The following TFAP2E variants were observed in gnomAD, a reference collection of about 807,000 sequenced individuals.
TFAP2E encodes transcription factor AP-2-epsilon.
A neutral mutation model predicts 37.9 loss-of-function variants in TFAP2E; 30 were observed. The observed-to-expected ratio is 0.79, with a 90% CI of 0.59 to 1.07. TFAP2E has a LOEUF of 1.07. Among genes scored for constraint, TFAP2E ranks in the 50% least tolerant of loss-of-function variants. The pLI is 0.00. For missense variants in TFAP2E, 567 were observed against 637.9 expected (o/e 0.89, Z 1.20); for synonymous variants, 318 against 295.8 (o/e 1.08, Z -0.77).
In TFAP2E at chr1:35,574,499, C is replaced by T. The variant is rs191236859; in HGVS notation, c.510+90C>T. 29 of 1,331,490 alleles carry T rather than the reference C, an allele frequency of 2.2e-5. No individual in the cohort carries two copies. In the Admixed American group the frequency reaches 5.3e-4, roughly 24 times the overall value. The allele number at this position is 1,331,490 out of a possible 1,614,324, so 82.5% of individuals were successfully genotyped here. A position where few individuals can be genotyped will look rare whatever the true frequency, so the allele number is the denominator to read the frequency against. ...GCAGAAGGTGACAAATGCAGGAAGC[C>T]GACTTTTCTCCCAGCTCGCCACATC... is the stretch of plus-strand genomic sequence containing the variant. On this transcript the variant is annotated intron_variant, in intron 2 of 6. Coordinates refer to ENST00000373235, the MANE Select transcript of TFAP2E (RefSeq NM_178548.4).
intron 3 of TFAP2E, among the ~76,000 whole-genome samples, chr1:35,579,150 C>A (rs1369754415): frequency 2.1e-5 from 3 of 141,092 alleles, no homozygotes; most frequent in Non-Finnish European, 4.5e-5. Context: ...GATCCCAGCA[C>A]TTTGGGAGGC....
intron 4 of TFAP2E, among the ~76,000 whole-genome samples, chr1:35,589,702 TGA>T (rs767292293): frequency 6.6e-6 from 1 of 152,052 alleles, no homozygotes; most frequent in Non-Finnish European, 1.5e-5. Flanking sequence ...TAGAGTGAAC[TGA>T]GGGGCTCCTG....
In TFAP2E at chr1:35,577,335, G is replaced by A. The variant is rs1385001532; in HGVS notation, c.562+2335G>A. On this transcript the variant is annotated intron_variant, in intron 3 of 6. Transcript: ENST00000373235. This position sits in a 1 kb window ranked among gnomAD's most constrained non-coding sequence, Gnocchi z 6.3. ...AGCAGTTTTCACCTTGGCCCTCCGCGGTCACTGCGGGATTCGGCGTTGCCG... is the reference window on the plus strand; with the variant it reads ...AGCAGTTTTCACCTTGGCCCTCCGCAGTCACTGCGGGATTCGGCGTTGCCG... The A allele has an allele frequency of 2.2e-6, 1 of 456,410 alleles. No individual in the cohort carries two copies. Among genetic ancestry groups the A allele is most frequent in the East Asian group, 7.0e-5 (1 of 14,378 alleles). The allele number at this position is 456,410 out of a possible 1,614,324, so 28.3% of individuals were successfully genotyped here. A position where few individuals can be genotyped will look rare whatever the true frequency, so the allele number is the denominator to read the frequency against.
Position 35,574,429 on chromosome 1 carries a change from G to T in TFAP2E, c.510+20G>T. The T allele has an allele frequency of 7.2e-7, 1 of 1,391,868 alleles. No individual in the cohort carries two copies. The highest frequency in any genetic ancestry group is 9.3e-7 in the Non-Finnish European group (1 of 1,079,966). 86.2% of individuals were successfully genotyped at this position (1,391,868 alleles called of 1,614,324 possible). ...CTGCAGGTGAGACCCGAGGGATCCGGGATGGGTCGGGACTGGCCGCGGTGG... is the reference window on the plus strand; with the variant it reads ...CTGCAGGTGAGACCCGAGGGATCCGTGATGGGTCGGGACTGGCCGCGGTGG... On this transcript the variant is annotated intron_variant, in intron 2 of 6. Coordinates refer to ENST00000373235, the MANE Select transcript of TFAP2E (RefSeq NM_178548.4).
chr1:35,589,513 T>A lies in TFAP2E; in HGVS notation c.786-417T>A, dbSNP rs150832350. Reference sequence around the variant, plus strand: ...TTTCACGTGTGTGTGTGTGTGTGTGTGAGAGAGTCACCAGGTGGCTGTGTG... The same window carrying A: ...TTTCACGTGTGTGTGTGTGTGTGTGAGAGAGAGTCACCAGGTGGCTGTGTG... On this transcript the variant is annotated intron_variant, in intron 4 of 6. Transcript: ENST00000373235. 8.5e-3 allele frequency among the ~76,000 whole-genome samples: 1,291 copies of A among 151,818 alleles called. 13 individuals carry two copies. Among genetic ancestry groups the A allele is most frequent in the Non-Finnish European group, 0.01 (704 of 67,924 alleles).
rs1649205340 is a variant in TFAP2E at position 35,577,245 on chromosome 1, G to T, written c.562+2245G>T. On this transcript the variant is annotated intron_variant, in intron 3 of 6. Transcript: ENST00000373235. This position sits in a 1 kb window ranked among gnomAD's most constrained non-coding sequence, Gnocchi z 6.3. ...GCGGTCGACCCAGGGCAGCTGCGGC[G>T]GCGAGGCAGGTGGGCTCCTTGCTCC... 5 of 394,424 alleles carry T rather than the reference G, an allele frequency of 1.3e-5. No homozygotes were observed. The highest frequency in any genetic ancestry group is 9.0e-5 in the South Asian group (5 of 55,394). The allele number at this position is 394,424 out of a possible 1,614,324, so 24.4% of individuals were successfully genotyped here. A position where few individuals can be genotyped will look rare whatever the true frequency, so the allele number is the denominator to read the frequency against.
Position 35,590,625 on chromosome 1 carries a change from T to A in TFAP2E, c.905-9T>A, listed in dbSNP as rs1418788493. On this transcript the variant is annotated splice_polypyrimidine_tract_variant and intron_variant, in intron 5 of 6. Transcript: ENST00000373235. This position sits in a 1 kb window ranked among gnomAD's most constrained non-coding sequence, Gnocchi z 6.2. The stretch of plus-strand genomic sequence containing the variant: ...CACCCTGCAGTAGTGACAGCTCCCC[T>A]CCCCCCAGGAGAGGCCGTGCACCTG... 3 of 1,455,796 alleles carry A rather than the reference T, an allele frequency of 2.1e-6. No homozygotes were observed. Among genetic ancestry groups the A allele is most frequent in the African/African-American group, 2.8e-5 (2 of 70,764 alleles). The allele number at this position is 1,455,796 out of a possible 1,614,324, so 90.2% of individuals were successfully genotyped here. A position where few individuals can be genotyped will look rare whatever the true frequency, so the allele number is the denominator to read the frequency against.
In TFAP2E at chr1:35,590,497, C is replaced by A; in HGVS notation, c.905-137C>A. 2.8e-6 allele frequency: 3 copies of A among 1,075,332 alleles called. No homozygotes were observed. Among genetic ancestry groups the A allele is most frequent in the Non-Finnish European group, 2.5e-6 (2 of 809,974 alleles). The allele number at this position is 1,075,332 out of a possible 1,614,324, so 66.6% of individuals were successfully genotyped here. ...CAATGGAATGGGGGCTGGAGCTGGG[C>A]TGGGAAGGAACATCAGAGGGGGCAT... On this transcript the variant is annotated intron_variant, in intron 5 of 6. Transcript: ENST00000373235. The surrounding 1 kb of genome is among the most constrained non-coding windows in gnomAD (Gnocchi z 6.2).
chr1:35,574,312 GGCTCCTGCACGGCCTGGCCGACGGCGC>G lies in TFAP2E; in HGVS notation c.416_442del (p.Leu139_Ala147del), dbSNP rs766507341. 1.4e-6 allele frequency: 2 copies of G among 1,458,738 alleles called. No homozygotes were observed. Among genetic ancestry groups the G allele is most frequent in the South Asian group, 2.6e-5 (2 of 77,088 alleles). The allele number at this position is 1,458,738 out of a possible 1,614,324, so 90.4% of individuals were successfully genotyped here. The stretch of plus-strand genomic sequence containing the variant: ...CGTGACTATGCCACTGCCGTGCCCC[GGCTCCTGCACGGCCTGGCCGACGGCGC>G]GCACGGCCTGGCAGACGCACCTCTC... On this transcript the variant is annotated inframe_deletion, in exon 2 of 7. Transcript: ENST00000373235.
rs1649223753 is a variant in TFAP2E, at chr1:35,577,772, C to G, written c.562+2772C>G. ...GCTTCGCTGACTGCAGGCAAGCGTC[C>G]GGGAGGGGCGGCCAGGCGAAGCCCC... On this transcript the variant is annotated intron_variant, in intron 3 of 6. Transcript: ENST00000373235. The surrounding 1 kb of genome is among the most constrained non-coding windows in gnomAD (Gnocchi z 6.3). 8.6e-6 allele frequency: 2 copies of G among 233,372 alleles called. No individual in the cohort carries two copies. Among genetic ancestry groups the G allele is most frequent in the African/African-American group, 2.3e-5 (1 of 43,854 alleles). 14.5% of individuals were successfully genotyped at this position (233,372 alleles called of 1,614,324 possible).
In TFAP2E at chr1:35,588,344, A is replaced by G. The variant is rs761454382; in HGVS notation, c.577A>G (p.Lys193Glu). Reference sequence around the variant, plus strand: ...CTTCTCCACAGTGCCCATCCCCTCCAAAGCCAGCAGCCTCTCAGCCCTCTC... The same window carrying G: ...CTTCTCCACAGTGCCCATCCCCTCCGAAGCCAGCAGCCTCTCAGCCCTCTC... Reference protein sequence around the residue: ...SVIKKVPIPSKASSLSALSLA... With the variant: ...SVIKKVPIPSEASSLSALSLA... Residue 193 changes from lysine to glutamate, a missense_variant, in exon 4 of 7, where the codon AAA becomes GAA. Physicochemically the swap from Lys to Glu is moderately conservative, Grantham distance 56. Coordinates refer to ENST00000373235, the MANE Select transcript of TFAP2E (RefSeq NM_178548.4). This position sits in a 1 kb window ranked among gnomAD's most constrained non-coding sequence, Gnocchi z 5.1. 1.2e-5 allele frequency: 20 copies of G among 1,612,554 alleles called. No individual in the cohort carries two copies. The East Asian group carries it at 4.0e-4, about 32-fold the overall frequency.
chr1:35,584,603 G>A (rs543775338), intron 3 of TFAP2E, among the ~76,000 whole-genome samples: 1 of 152,078 alleles, frequency 6.6e-6, no homozygotes, highest in East Asian at 1.9e-4. Flanking sequence ...AGGCTGGCAT[G>A]GTCAGCTCAC....
In TFAP2E at chr1:35,589,466, T is replaced by C. The variant is rs12036164; in HGVS notation, c.786-464T>C. Among the ~76,000 whole-genome samples the C allele has an allele frequency of 2.3e-3, 347 of 148,626 alleles. 3 individuals are homozygous for C. Among genetic ancestry groups the C allele is most frequent in the Middle Eastern group, 0.011 (3 of 274 alleles). ...CTGTGTCTCTGCATGTCTGTCTCTA[T>C]TGGTTCTATGTGTCTCTATTCTTTC... On this transcript the variant is annotated intron_variant, in intron 4 of 6. Transcript: ENST00000373235.
At chr1:35,576,776 C>T (rs1382336590) in intron 3 of TFAP2E, among the ~76,000 whole-genome samples, 4 of 152,200 alleles carry the variant, frequency 2.6e-5, no homozygotes, top group Admixed American at 1.3e-4. Context: ...AGGGGTACGC[C>T]GAAATCCCCC....
At position 35,590,181 on chromosome 1, in the gene TFAP2E, G is replaced by A; in HGVS notation, c.904+133G>A. On this transcript the variant is annotated intron_variant, in intron 5 of 6. Coordinates refer to ENST00000373235, the MANE Select transcript of TFAP2E (RefSeq NM_178548.4). This position sits in a 1 kb window ranked among gnomAD's most constrained non-coding sequence, Gnocchi z 6.2. ...CGTGTAAGTGTTGCAGTATCTGTGT[G>A]CGTATTCTCTGTCATGTATAAGGTG... 1 of 821,774 alleles carries A rather than the reference G, an allele frequency of 1.2e-6. No individual in the cohort carries two copies. The highest frequency in any genetic ancestry group is 1.6e-5 in the South Asian group (1 of 63,732). The allele number at this position is 821,774 out of a possible 1,614,324, so 50.9% of individuals were successfully genotyped here. A position where few individuals can be genotyped will look rare whatever the true frequency, so the allele number is the denominator to read the frequency against.
Position 35,573,396 on chromosome 1 carries a change from C to T in TFAP2E, c.-182C>T. On this transcript the variant is annotated 5_prime_UTR_variant, in exon 1 of 7. Transcript: ENST00000373235. This position sits in a 1 kb window ranked among gnomAD's most constrained non-coding sequence, Gnocchi z 5.9. The stretch of plus-strand genomic sequence containing the variant: ...TGCCCGTCCGTCCTGCCTCCATGGA[C>T]CCGCCCGGGAACGGCCACCGCTGAG... The T allele has an allele frequency of 2.7e-6, 2 of 742,792 alleles. No homozygotes were observed. Among genetic ancestry groups the T allele is most frequent in the Non-Finnish European group, 2.0e-6 (1 of 510,296 alleles). 46.0% of individuals were successfully genotyped at this position (742,792 alleles called of 1,614,324 possible). A position where few individuals can be genotyped will look rare whatever the true frequency, so the allele number is the denominator to read the frequency against.
intron 3 of TFAP2E, among the ~76,000 whole-genome samples, chr1:35,581,918 C>G (rs1386759931): frequency 6.6e-6 from 1 of 151,084 alleles, no homozygotes; most frequent in Non-Finnish European, 1.5e-5. Flanking sequence ...CTCTGTCACC[C>G]AGGCTGGAGT....
At chr1:35,587,022 G>A (rs902808622) in intron 3 of TFAP2E, among the ~76,000 whole-genome samples, 6 of 152,182 alleles carry the variant, frequency 3.9e-5, no homozygotes, top group African/African-American at 1.4e-4. Context: ...CTCCTCATCT[G>A]TAAAATGGGA....
At chr1:35,578,230 A>G (rs1649240256) in intron 3 of TFAP2E, among the ~76,000 whole-genome samples, 1 of 152,030 alleles carries the variant, frequency 6.6e-6, no homozygotes. Context: ...GCATATGCAA[A>G]TCCTCTCCCT....
Sources: allele counts gnomAD v4.1 joint callset (sites outside exome capture counted in the v4.1 genomes callset), GRCh38; gene constraint gnomAD v4.1.1; non-coding constraint Gnocchi (gnomAD v3.1); transcripts MANE v1.5; gene names NCBI Gene and HGNC (gene_info 2026-07-23, HGNC 2026-07-21).